Variants in SGSH observed in about 807,000 individuals in gnomAD.
SGSH encodes the protein N-sulfoglucosamine sulfohydrolase, also known as heparan sulfate sulfatase.
A neutral mutation model predicts 51.0 loss-of-function variants in SGSH; 48 were observed. That is an observed-to-expected ratio of 0.94 (90% CI 0.75 to 1.20). The LOEUF is 1.20. Among genes scored for constraint, SGSH ranks in the 50% most tolerant of loss-of-function variants. The pLI is 0.00. For missense variants in SGSH, 662 were observed against 717.8 expected, an observed-to-expected ratio of 0.92 and a Z score of 0.89; for synonymous variants, 321 against 313.4, an observed-to-expected ratio of 1.02 and a Z score of -0.26.
At chr17:80,205,236 C>A, downstream of SGSH, 1 of 1,570,002 alleles carries the variant, frequency 6.4e-7, no homozygotes, top group South Asian at 1.2e-5. Flanking sequence ...CCCTCTACCC[C>A]TTCCACCTTC....
Position 80,210,761 on chromosome 17 carries a change from C to T in SGSH, c.1200G>A (p.Gln400=). 6.2e-7 allele frequency: 1 copy of T among 1,614,076 alleles called. No homozygotes were observed. Among genetic ancestry groups the T allele is most frequent in the African/African-American group, 1.3e-5 (1 of 75,042 alleles). ...LNFKMPFPID[Q]DFYVSPTFQD... ...GGAAGGTGGGTGAGACGTAGAAGTC[C>T]TGGTCGATGGGAAAGGGCATCTTGA... The change falls in exon 8 of 8, where the codon CAG becomes CAA. Residue 400 remains glutamine (Q), a synonymous_variant. Coordinates refer to ENST00000326317, the MANE Select transcript of SGSH (RefSeq NM_000199.5).
At chr17:80,215,738 G>A (rs1315523831) in intron 2 of SGSH, among the ~76,000 whole-genome samples, 4 of 152,140 alleles carry the variant, frequency 2.6e-5, no homozygotes, top group Middle Eastern at 3.2e-3. Flanking sequence ...AGAATGGCTT[G>A]AATCTGGGAG....
intron 3 of SGSH, 38 bp downstream of exon 3, chr17:80,214,995 C>A: frequency 1.3e-6 from 2 of 1,559,268 alleles, no homozygotes; most frequent in Non-Finnish European, 1.8e-6. Flanking sequence ...GGCCTCTGTG[C>A]CTCACCCCAC....
downstream of SGSH, chr17:80,202,314 G>A (rs148788573): frequency 3.0e-5 from 49 of 1,613,540 alleles, no homozygotes; most frequent in African/African-American, 5.3e-5. Flanking sequence ...GGTCCTGCAC[G>A]TCACCGACAC....
the SGSH span, chr17:80,200,749 G>C: frequency 1.3e-5 from 2 of 157,146 alleles, no homozygotes; most frequent in African/African-American, 4.8e-5. Context: ...CCATAATTCA[G>C]AATCAGTGGG....
At chr17:80,206,754 G>A (rs1004041352), downstream of SGSH, 36 of 311,442 alleles carry the variant, frequency 1.2e-4, no homozygotes, top group South Asian at 1.3e-3. Context: ...GCGACAGAGC[G>A]AGACTCCGTC....
At chr17:80,220,197 G>GGT in intron 1 of SGSH, 29 bp downstream of exon 1, 1 of 1,483,416 alleles carries the variant, frequency 6.7e-7, no homozygotes, top group Non-Finnish European at 9.0e-7. Flanking sequence ...CACCGCAGGT[G>GGT]GGCGTGGGGG....
rs1349505937 is a variant in SGSH at position 80,210,961 on chromosome 17, C to A, written c.1000G>T (p.Ala334Ser). ...TGGATGGTCTTCGAGCCAAAGATGG[C>A]GTAGCTGGGGTACGGGATCGAGAAC... ...DWFSIPYPSY[A>S]IFGSKTIHLT... Residue 334 changes from alanine (A) to serine (S), a missense_variant, in exon 8 of 8, where the codon GCC becomes TCC. Physicochemically the swap from Ala to Ser is moderately conservative, Grantham distance 99. Transcript: ENST00000326317. 6.2e-7 allele frequency: 1 copy of A among 1,602,096 alleles called. No homozygotes were observed. The highest frequency in any genetic ancestry group is 8.5e-7 in the Non-Finnish European group (1 of 1,179,866).
Position 80,210,083 on chromosome 17 carries a change from G to A in SGSH, c.*369C>T, listed in dbSNP as rs886053557. On this transcript the variant is annotated 3_prime_UTR_variant, in exon 8 of 8. Coordinates refer to ENST00000326317, the MANE Select transcript of SGSH (RefSeq NM_000199.5). The stretch of plus-strand genomic sequence containing the variant: ...GAAGAGGGCCTCAGGCCTCCCATTT[G>A]CAGGTCCCCAAACCAAGCCAGAAAA... 74 of 1,135,504 alleles carry A rather than the reference G, an allele frequency of 6.5e-5. No homozygotes were observed. Among genetic ancestry groups the A allele is most frequent in the Non-Finnish European group, 7.8e-5 (72 of 920,534 alleles). The allele number at this position is 1,135,504 out of a possible 1,614,324, so 70.3% of individuals were successfully genotyped here. A position where few individuals can be genotyped will look rare whatever the true frequency, so the allele number is the denominator to read the frequency against.
In SGSH at chr17:80,212,568, A is replaced by G; in HGVS notation, c.746-294T>C. ...GCTCCCTGGTGCCCGCCGGCTTTTG[A>G]GTTCTCCGGAATCTCGTGTCTGTCC... On this transcript the variant is annotated intron_variant, in intron 6 of 7. Coordinates refer to ENST00000326317, the MANE Select transcript of SGSH (RefSeq NM_000199.5). This position sits in a 1 kb window ranked among gnomAD's most constrained non-coding sequence, Gnocchi z 5.9. 1 of 481,464 alleles carries G rather than the reference A, an allele frequency of 2.1e-6. No individual in the cohort carries two copies. 29.8% of individuals were successfully genotyped at this position (481,464 alleles called of 1,614,324 possible). A position where few individuals can be genotyped will look rare whatever the true frequency, so the allele number is the denominator to read the frequency against.
chr17:80,215,946 A>G (rs1337073873), intron 2 of SGSH, among the ~76,000 whole-genome samples: 1 of 152,208 alleles, frequency 6.6e-6, no homozygotes, highest in Non-Finnish European at 1.5e-5. Context: ...ATCCACTGGA[A>G]TATGAGTCAG....
At chr17:80,207,387 T>C (rs1387878519), downstream of SGSH, among the ~76,000 whole-genome samples, 6 of 152,094 alleles carry the variant, frequency 3.9e-5, no homozygotes, top group African/African-American at 1.4e-4. Context: ...CCTGTCTCTA[T>C]TAAAAATACA....
At chr17:80,215,518 A>C (rs1052700311) in intron 2 of SGSH, among the ~76,000 whole-genome samples, 1 of 152,240 alleles carries the variant, frequency 6.6e-6, no homozygotes, top group African/African-American at 2.4e-5. Context: ...AGATGTGTAC[A>C]TTTTAAAAAC....
chr17:80,207,194 G>A (rs139067602), downstream of SGSH: 36 of 688,178 alleles, frequency 5.2e-5, no homozygotes, highest in Middle Eastern at 5.4e-4. Context: ...AGGAAGCTGA[G>A]GCGCTGACAG....
chr17:80,213,578 C>T lies in SGSH; in HGVS notation c.745+226G>A. ...AGTCTTCACGCAACCTCTGGGGCAC[C>T]CGAAGGCCCCAGCCCAGGAGCAGGT... On this transcript the variant is annotated intron_variant, in intron 6 of 7. Transcript: ENST00000326317. This position sits in a 1 kb window ranked among gnomAD's most constrained non-coding sequence, Gnocchi z 4.6. The T allele has an allele frequency of 6.8e-6, 4 of 589,842 alleles. No homozygotes were observed. The highest frequency in any genetic ancestry group is 1.2e-5 in the Non-Finnish European group (4 of 330,050). The allele number at this position is 589,842 out of a possible 1,614,324, so 36.5% of individuals were successfully genotyped here.
downstream of SGSH, chr17:80,208,149 AGCGGTTG>A (rs2144636798): frequency 1.9e-6 from 3 of 1,542,898 alleles, no homozygotes; most frequent in Non-Finnish European, 2.6e-6. Context: ...AAGGGCCTAC[AGCGGTTG>A]GGCACCTCAG....
intron 7 of SGSH, chr17:80,211,377 G>C: frequency 2.9e-6 from 1 of 350,018 alleles, no homozygotes; most frequent in South Asian, 2.7e-5. Flanking sequence ...GATGTGGGCC[G>C]CGAGCTCGGA....
downstream of SGSH, chr17:80,203,989 T>C (rs2041133771): frequency 2.0e-6 from 2 of 995,916 alleles, no homozygotes; most frequent in Admixed American, 2.5e-5. This position sits in a 1 kb window ranked among gnomAD's most constrained non-coding sequence, Gnocchi z 4.6. Flanking sequence ...GGGCTGCTGA[T>C]TGGAGGGTAA....
At chr17:80,203,631 G>C, downstream of SGSH, 1 of 525,634 alleles carries the variant, frequency 1.9e-6, no homozygotes, top group Non-Finnish European at 3.4e-6. The surrounding 1 kb of genome is among the most constrained non-coding windows in gnomAD (Gnocchi z 4.6). Context: ...GGAGTCTTTT[G>C]AAAGCTCTGG....
Sources: allele counts gnomAD v4.1 joint callset (sites outside exome capture counted in the v4.1 genomes callset), GRCh38; gene constraint gnomAD v4.1.1; non-coding constraint Gnocchi (gnomAD v3.1); transcripts MANE v1.5; gene names NCBI Gene and HGNC (gene_info 2026-07-23, HGNC 2026-07-21).